The following CDH12 variants were observed in gnomAD, a reference collection of about 807,000 sequenced individuals.
The protein encoded by CDH12 is cadherin-12.
A neutral mutation model predicts 74.1 loss-of-function variants in CDH12; 41 were observed. The observed-to-expected ratio is 0.55, with a 90% CI of 0.43 to 0.72. The LOEUF is 0.72. CDH12 is among the 30% of genes least tolerant of loss of function. The probability of loss-of-function intolerance (pLI) is 0.00; values close to 1 mark genes in which losing one functional copy is unlikely to be tolerated. For synonymous variants in CDH12, 399 were observed against 355.0 expected, an observed-to-expected ratio of 1.12 and a Z score of -1.39; for missense variants, 945 against 977.2, an observed-to-expected ratio of 0.97 and a Z score of 0.44.
chr5:22,802,284 G>C (rs995514413), intron 1 of CDH12, among the ~76,000 whole-genome samples: 1 of 151,672 alleles, frequency 6.6e-6, no homozygotes, highest in Admixed American at 6.6e-5. Context: ...ACCACACCCG[G>C]CTATTTTTTG....
intron 5 of CDH12, among the ~76,000 whole-genome samples, chr5:22,070,906 T>C (rs1741896736): frequency 6.6e-6 from 1 of 152,116 alleles, no homozygotes; most frequent in South Asian, 2.1e-4. Context: ...ATGTTCTCAT[T>C]TATAATAGGG....
At chr5:22,449,235 A>G (rs1304175342) in intron 2 of CDH12, among the ~76,000 whole-genome samples, 1 of 152,064 alleles carries the variant, frequency 6.6e-6, no homozygotes, top group African/African-American at 2.4e-5. Context: ...AACACCCTTG[A>G]GCACAATTGC....
chr5:22,007,677 G>A (rs1411376217), intron 5 of CDH12, among the ~76,000 whole-genome samples: 1 of 152,158 alleles, frequency 6.6e-6, no homozygotes, highest in African/African-American at 2.4e-5. Flanking sequence ...AATGTATAGA[G>A]ATGCAAACCG....
intron 3 of CDH12, among the ~76,000 whole-genome samples, chr5:22,283,404 A>T (rs1737002421): frequency 6.6e-6 from 1 of 151,130 alleles, no homozygotes; most frequent in South Asian, 2.1e-4. Flanking sequence ...TGTGATATAT[A>T]CATATGTGCC....
chr5:22,357,474 A>G (rs1740613877), intron 3 of CDH12, among the ~76,000 whole-genome samples: 1 of 152,210 alleles, frequency 6.6e-6, no homozygotes, highest in Admixed American at 6.5e-5. Flanking sequence ...ATGATTTGTA[A>G]AAATGAAAAT....
chr5:22,132,480 GT>G (rs1156466744), intron 4 of CDH12, among the ~76,000 whole-genome samples: 1 of 151,882 alleles, frequency 6.6e-6, no homozygotes, highest in African/African-American at 2.4e-5. Context: ...GGGATGCATT[GT>G]TTTATTTCCC....
chr5:22,512,831 G>A (rs1265829670), intron 1 of CDH12, among the ~76,000 whole-genome samples: 1 of 152,148 alleles, frequency 6.6e-6, no homozygotes. Flanking sequence ...GGGAGGCCTA[G>A]TCGGGTGGAT....
At chr5:22,675,978 C>A (rs1230844752) in intron 1 of CDH12, among the ~76,000 whole-genome samples, 1 of 147,114 alleles carries the variant, frequency 6.8e-6, no homozygotes, top group African/African-American at 2.5e-5. Context: ...ATCTTCAGAT[C>A]CATTAAGGAA....
At chr5:21,918,958 A>AAG (rs1395436515) in intron 6 of CDH12, among the ~76,000 whole-genome samples, 1 of 152,214 alleles carries the variant, frequency 6.6e-6, no homozygotes, top group African/African-American at 2.4e-5. Context: ...TGACAGAGAC[A>AAG]CATCTAAATT....
chr5:22,746,422 C>T (rs1419696354), intron 1 of CDH12, among the ~76,000 whole-genome samples: 3 of 152,124 alleles, frequency 2.0e-5, no homozygotes, highest in Non-Finnish European at 2.9e-5. Flanking sequence ...TATTATGTTT[C>T]TATCTGGTTT....
At chr5:21,853,971 C>T (rs536440936) in intron 7 of CDH12, among the ~76,000 whole-genome samples, 2 of 151,672 alleles carry the variant, frequency 1.3e-5, no homozygotes, top group African/African-American at 4.8e-5. Flanking sequence ...GTGAAGTGGT[C>T]GAGTCTTCTT....
In CDH12 at chr5:21,755,661, T is replaced by G; in HGVS notation, c.1815A>C (p.Ala605=). The stretch of plus-strand genomic sequence containing the variant: ...TGCTAAGTCCTACAGGTAGAAAAAT[T>G]GCTTCCACATTACAAGACAGGATGG... ...DGTILSCNVE[A]IFLPVGLSTG... Residue 605 remains alanine, a synonymous_variant, in exon 14 of 15, where the codon GCA becomes GCC. Coordinates refer to ENST00000382254, the MANE Select transcript of CDH12 (RefSeq NM_004061.5). 1.2e-6 allele frequency: 2 copies of G among 1,614,062 alleles called. No individual in the cohort carries two copies. Among genetic ancestry groups the G allele is most frequent in the South Asian group, 1.1e-5 (1 of 91,084 alleles).
chr5:22,706,866 T>TC (rs1743033896), intron 1 of CDH12, among the ~76,000 whole-genome samples: 1 of 152,150 alleles, frequency 6.6e-6, no homozygotes, highest in South Asian at 2.1e-4. Context: ...CTTTTCTTTT[T>TC]CACACTATTC....
At chr5:22,631,519 T>C (rs1738584365) in intron 1 of CDH12, among the ~76,000 whole-genome samples, 2 of 152,286 alleles carry the variant, frequency 1.3e-5, no homozygotes, top group South Asian at 2.1e-4. Context: ...TTATCTTAAG[T>C]GAACCGGTGC....
chr5:22,308,712 T>A (rs1465610373), intron 3 of CDH12, among the ~76,000 whole-genome samples: 5 of 152,006 alleles, frequency 3.3e-5, no homozygotes, highest in Admixed American at 2.0e-4. Context: ...CAAAGCAATA[T>A]TCCATGTATC....
intron 1 of CDH12, among the ~76,000 whole-genome samples, chr5:22,805,319 A>C (rs1025133224): frequency 3.9e-5 from 6 of 152,112 alleles, no homozygotes; most frequent in Admixed American, 3.3e-4. Flanking sequence ...ATGTGGCTGA[A>C]CTCCACCACC....
At chr5:21,765,226 G>T in intron 11 of CDH12, 127 bp from the exon 12 acceptor site, 1 of 693,978 alleles carries the variant, frequency 1.4e-6, no homozygotes, top group Non-Finnish European at 2.2e-6. Context: ...CTTCTTATAG[G>T]AAATCCTGGG....
chr5:22,206,542 G>A (rs1404690545), intron 4 of CDH12, among the ~76,000 whole-genome samples: 1 of 151,798 alleles, frequency 6.6e-6, no homozygotes, highest in Non-Finnish European at 1.5e-5. Context: ...ACCCACTAAG[G>A]TTTGACTTGT....
intron 4 of CDH12, among the ~76,000 whole-genome samples, chr5:22,144,512 C>T (rs1232534915): frequency 6.6e-6 from 1 of 152,042 alleles, no homozygotes; most frequent in African/African-American, 2.4e-5. Context: ...CTGGTCAATG[C>T]CTCACAGTCA....
Sources: gnomAD v4.1 joint callset for allele counts (sites outside exome capture counted in the v4.1 genomes callset) on GRCh38, gnomAD v4.1.1 for gene constraint, MANE v1.5 for transcripts, NCBI Gene and HGNC (gene_info 2026-07-23, HGNC 2026-07-21) for gene names.